The following ZSCAN5A variants were observed in gnomAD, a reference collection of about 807,000 sequenced individuals.
ZSCAN5A encodes zinc finger and SCAN domain-containing protein 5A.
ZSCAN5A carries 12 observed loss-of-function variants against 23.7 expected under a neutral mutation model. The ratio of observed to expected loss-of-function variants is 0.51; its 90% CI spans 0.32 to 0.82. The LOEUF is 0.82. ZSCAN5A is among the 40% of genes least tolerant of loss of function. The probability of loss-of-function intolerance (pLI) is 0.03; values close to 1 mark genes in which losing one functional copy is unlikely to be tolerated. For synonymous variants in ZSCAN5A, 257 were observed against 239.9 expected, an observed-to-expected ratio of 1.07 and a Z score of -0.66; for missense variants, 597 against 617.9, an observed-to-expected ratio of 0.97 and a Z score of 0.36.
chr19:56,269,090 G>C (rs1448934989), intron 2 of ZSCAN5A, among the ~76,000 whole-genome samples: 2 of 152,060 alleles, frequency 1.3e-5, no homozygotes, highest in Non-Finnish European at 2.9e-5. Flanking sequence ...GTGAACATTC[G>C]TGTGTGAATA....
chr19:56,352,587 T>A lies in ZSCAN5A; in HGVS notation c.-358+10648A>T, dbSNP rs147569698. On this transcript the variant is annotated intron_variant, in intron 2 of 6. Coordinates refer to the ZSCAN5A transcript ENST00000587340. The surrounding 1 kb of genome is among the most constrained non-coding windows in gnomAD (Gnocchi z 4.2). ...CAGGGGAGAGAGACCCAACTCTGAA[T>A]ATAGCAATGATAGTTGGTTTTTTGT... Among the ~76,000 whole-genome samples, 2 of 152,360 alleles carry A rather than the reference T, an allele frequency of 1.3e-5. No homozygotes were observed. Among genetic ancestry groups the A allele is most frequent in the East Asian group, 3.9e-4 (2 of 5,190 alleles).
chr19:56,366,418 G>A (rs1362848698), intron 1 of ZSCAN5A, among the ~76,000 whole-genome samples: 7 of 114,158 alleles, frequency 6.1e-5, no homozygotes, highest in Non-Finnish European at 1.1e-4. Context: ...GCGAGACTCT[G>A]TCTCAAAAAA....
intron 2 of ZSCAN5A, chr19:56,244,154 T>C (rs548831607): frequency 3.7e-6 from 6 of 1,606,278 alleles, no homozygotes; most frequent in Non-Finnish European, 5.1e-6. Context: ...AAATCATGAC[T>C]GGGACCCTGA....
At chr19:56,246,960 A>AT (rs755848580) in intron 2 of ZSCAN5A, 40 of 1,494,614 alleles carry the variant, frequency 2.7e-5, no homozygotes, top group African/African-American at 4.1e-5. Context: ...GCAACAGCGA[A>AT]TCCCCAGGAA....
At chr19:56,284,033 C>A (rs2038917014) in intron 2 of ZSCAN5A, 3 of 207,274 alleles carry the variant, frequency 1.4e-5, no homozygotes, top group South Asian at 3.4e-4. Flanking sequence ...CATGCATGAC[C>A]CCTTGTGGAT....
intron 1 of ZSCAN5A, chr19:56,368,136 C>G (rs553932464): frequency 2.6e-5 from 4 of 152,526 alleles, no homozygotes; most frequent in African/African-American, 4.8e-5. Context: ...CGCCTACGTA[C>G]TCAGTCACCA....
intron 2 of ZSCAN5A, chr19:56,302,996 G>A (rs2040446649): frequency 2.5e-6 from 1 of 397,398 alleles, no homozygotes. Context: ...GCTAGTGCAG[G>A]AGGCAGTGGC....
At chr19:56,269,731 G>A (rs551305716) in intron 2 of ZSCAN5A, among the ~76,000 whole-genome samples, 4 of 152,356 alleles carry the variant, frequency 2.6e-5, no homozygotes, top group African/African-American at 9.6e-5. Context: ...CATGCTGTTG[G>A]TTAGGAAGAT....
intron 1 of ZSCAN5A, among the ~76,000 whole-genome samples, chr19:56,364,239 A>G (rs138086736): frequency 1.3e-5 from 2 of 152,260 alleles, no homozygotes; most frequent in Non-Finnish European, 2.9e-5. Context: ...TTTAAAGCTC[A>G]GTGGTCCTCT....
chr19:56,342,700 C>T lies in ZSCAN5A; in HGVS notation c.-358+20535G>A, dbSNP rs150962535. 3.2e-3 allele frequency: 2,040 copies of T among 634,034 alleles called. 22 individuals carry two copies. The highest frequency in any genetic ancestry group is 0.015 in the South Asian group (810 of 53,810). 39.3% of individuals were successfully genotyped at this position (634,034 alleles called of 1,614,324 possible). ...CACGGGTGAACATGAAGTAACTATA[C>T]ATCTGTTTTTCCTCTGGATTATATC... On this transcript the variant is annotated intron_variant, in intron 2 of 6. Transcript: ENST00000587340.
chr19:56,353,775 C>A (rs113972626), intron 2 of ZSCAN5A, among the ~76,000 whole-genome samples: 8 of 151,636 alleles, frequency 5.3e-5, no homozygotes, highest in Non-Finnish European at 1.0e-4. Flanking sequence ...GAGCGAGACT[C>A]TGTCTCAAAA....
At chr19:56,322,363 T>G in intron 2 of ZSCAN5A, 2 of 748,352 alleles carry the variant, frequency 2.7e-6, no homozygotes, top group Non-Finnish European at 2.5e-6. Context: ...GCTTCCCCTA[T>G]TCCACACCTC....
intron 2 of ZSCAN5A, among the ~76,000 whole-genome samples, chr19:56,341,884 C>G (rs1301233537): frequency 6.6e-6 from 1 of 151,838 alleles, no homozygotes; most frequent in Non-Finnish European, 1.5e-5. Context: ...GAGAGTGTTA[C>G]TATTTTGTGC....
chr19:56,324,803 TTGTG>T (rs1568752328), intron 2 of ZSCAN5A, among the ~76,000 whole-genome samples: 1 of 152,228 alleles, frequency 6.6e-6, no homozygotes, highest in African/African-American at 2.4e-5. Context: ...CTGGAACAGG[TTGTG>T]TGAGCCCCTT....
intron 2 of ZSCAN5A, among the ~76,000 whole-genome samples, chr19:56,230,380 G>A (rs1385326942): frequency 6.6e-6 from 1 of 152,086 alleles, no homozygotes; most frequent in East Asian, 1.9e-4. Context: ...CACCATACCC[G>A]GCCCCAACAT....
chr19:56,259,712 G>A (rs370900464), intron 2 of ZSCAN5A, among the ~76,000 whole-genome samples: 3 of 152,232 alleles, frequency 2.0e-5, no homozygotes, highest in East Asian at 3.9e-4. Flanking sequence ...GGTGGCCCAC[G>A]CCTGTCATCC....
chr19:56,242,160 G>A (rs2035478370), intron 2 of ZSCAN5A, among the ~76,000 whole-genome samples: 1 of 152,104 alleles, frequency 6.6e-6, no homozygotes, highest in Non-Finnish European at 1.5e-5. Flanking sequence ...CCAGCACGGG[G>A]CGCAGAGGAC....
rs1019131536 is a variant in ZSCAN5A, at chr19:56,344,909, CAAAAAAA to C, written c.-358+18319_-358+18325del. On this transcript the variant is annotated intron_variant, in intron 2 of 6. Coordinates refer to the ZSCAN5A transcript ENST00000587340. ...TGGGCGACAGAGCGAGACTCCGTCT[CAAAAAAA>C]AAAAAAAAAAAAAAAAAAAGAAAAA... Among the ~76,000 whole-genome samples the C allele has an allele frequency of 6.8e-3, 129 of 19,040 alleles. 1 individual carries two copies. Among genetic ancestry groups the C allele is most frequent in the African/African-American group, 0.015 (88 of 5,716 alleles). The allele number at this position is 19,040 out of a possible 152,430, so 12.5% of individuals were successfully genotyped here.
rs560331877 is a variant in ZSCAN5A at position 56,273,231 on chromosome 19, TG to T, written c.-128+40051del. Among the ~76,000 whole-genome samples, 32 of 152,336 alleles carry T rather than the reference TG, an allele frequency of 2.1e-4. No homozygotes were observed. In the South Asian group the frequency reaches 6.4e-3, roughly 31 times the overall value. Reference sequence around the variant, plus strand: ...GGGGCTCACAAGAATCCCCAGTTCATGGGACTGTTGCATGTCATTGACGAGC... The same window carrying T: ...GGGGCTCACAAGAATCCCCAGTTCATGGACTGTTGCATGTCATTGACGAGC... On this transcript the variant is annotated intron_variant, in intron 2 of 5. Transcript: ENST00000683990.
Sources: gnomAD v4.1 joint callset for allele counts (sites outside exome capture counted in the v4.1 genomes callset) on GRCh38, gnomAD v4.1.1 for gene constraint, Gnocchi (gnomAD v3.1) non-coding constraint, MANE v1.5 for transcripts, NCBI Gene and HGNC (gene_info 2026-07-23, HGNC 2026-07-21) for gene names.